N4BP2: variants seen among roughly 807,000 people sequenced by gnomAD.
The protein encoded by N4BP2 is NEDD4 binding protein 2.
In N4BP2, 91 loss-of-function variants were observed where a neutral mutation model predicts 152.8. The observed-to-expected ratio is 0.60, with a 90% CI of 0.50 to 0.71. N4BP2 has a LOEUF of 0.71. N4BP2 is among the 30% of genes least tolerant of loss of function. The pLI is 0.00. For missense variants in N4BP2, 1,923 were observed against 2,059.1 expected, an observed-to-expected ratio of 0.93 and a Z score of 1.28; for synonymous variants, 646 against 705.3, an observed-to-expected ratio of 0.92 and a Z score of 1.33.
chr4:40,075,817 A>T (rs553111451), intron 2 of N4BP2, among the ~76,000 whole-genome samples: 9 of 152,144 alleles, frequency 5.9e-5, no homozygotes, highest in Non-Finnish European at 1.2e-4. Context: ...ACAGATAGAT[A>T]CATATTTCTT....
intron 1 of N4BP2, among the ~76,000 whole-genome samples, chr4:40,057,883 G>T (rs1052111526): frequency 3.9e-5 from 6 of 152,138 alleles, no homozygotes; most frequent in Admixed American, 6.5e-5. Context: ...TTGTAACTAG[G>T]ATCTGATATT....
rs1258104914 is a variant in N4BP2 at position 40,142,678 on chromosome 4, G to T, written c.4791G>T (p.Lys1597Asn). The change falls in exon 15 of 18, where the codon AAG (lysine) becomes AAT (asparagine). Residue 1597 changes from lysine (K) to asparagine (N), a missense_variant. Lys to Asn is a moderately conservative substitution (Grantham distance 94, BLOSUM62 0). Coordinates refer to ENST00000261435, the MANE Select transcript of N4BP2 (RefSeq NM_018177.6). ...TATTGTTTAATATCTTATAGCCAAA[G>T]AAATTAAAAGAGACTGAAGAAACAC... ...TGQKSKEKKP[K>N]KLKETEETPS... 1 of 1,601,864 alleles carries T rather than the reference G, an allele frequency of 6.2e-7. No individual in the cohort carries two copies. The highest frequency in any genetic ancestry group is 8.5e-7 in the Non-Finnish European group (1 of 1,175,910).
chr4:40,102,332 T>G lies in N4BP2; in HGVS notation c.487T>G (p.Ser163Ala). 6.2e-7 allele frequency: 1 copy of G among 1,613,552 alleles called. No homozygotes were observed. Among genetic ancestry groups the G allele is most frequent in the East Asian group, 2.2e-5 (1 of 44,850 alleles). Reference protein sequence around the residue: ...LNSSPDDQVYSFLPSQDVNSF... With the variant: ...LNSSPDDQVYAFLPSQDVNSF... Reference sequence around the variant, plus strand: ...CTCTTCTCCTGATGACCAAGTATACTCATTTTTGCCTTCACAAGATGTTAA... The same window carrying G: ...CTCTTCTCCTGATGACCAAGTATACGCATTTTTGCCTTCACAAGATGTTAA... Residue 163 changes from serine (S) to alanine (A), a missense_variant, in exon 4 of 18, where the codon TCA becomes GCA. By Grantham distance (99) the Ser-to-Ala change is moderately conservative. Transcript: ENST00000261435.
intron 5 of N4BP2, among the ~76,000 whole-genome samples, chr4:40,111,238 T>C (rs998036165): frequency 3.9e-5 from 6 of 152,126 alleles, no homozygotes; most frequent in Non-Finnish European, 8.8e-5. Context: ...AAGAAATTGG[T>C]TTATTATTAT....
intron 5 of N4BP2, among the ~76,000 whole-genome samples, chr4:40,108,028 A>C (rs1434096901): frequency 1.3e-5 from 2 of 150,438 alleles, no homozygotes; most frequent in South Asian, 4.2e-4. Flanking sequence ...CGTTCAAGGG[A>C]TTCTCATCCT....
intron 14 of N4BP2, 197 bp from the exon 15 acceptor site, chr4:40,142,476 C>A (rs1720107998): frequency 3.7e-6 from 2 of 534,790 alleles, no homozygotes. Context: ...GAAAGGGTAA[C>A]CTTAGCGGCA....
the N4BP2 span, among the ~76,000 whole-genome samples, chr4:40,187,556 G>A: frequency 6.6e-6 from 1 of 152,104 alleles, no homozygotes; most frequent in Non-Finnish European, 1.5e-5. Flanking sequence ...CTGGGCTCAA[G>A]TGATCCTCCC....
rs1183724695 is a variant in N4BP2 at position 40,084,439 on chromosome 4, T to A, written c.-115+10888T>A. On this transcript the variant is annotated intron_variant, in intron 2 of 17. Coordinates refer to ENST00000261435, the MANE Select transcript of N4BP2 (RefSeq NM_018177.6). Reference sequence around the variant, plus strand: ...TTAGATATGCCTGGTTTGAGATTTTTTTTTTTTTTCCTCCGAGATGGAGTC... The same window carrying A: ...TTAGATATGCCTGGTTTGAGATTTTATTTTTTTTTCCTCCGAGATGGAGTC... 3.3e-5 allele frequency among the ~76,000 whole-genome samples: 5 copies of A among 151,020 alleles called. No individual in the cohort carries two copies. The East Asian group carries it at 9.8e-4, about 29-fold the overall frequency.
the N4BP2 span, among the ~76,000 whole-genome samples, chr4:40,171,969 C>T: frequency 5.3e-5 from 8 of 152,232 alleles, no homozygotes; most frequent in East Asian, 1.9e-4. Context: ...GCAGTAGGCG[C>T]GATCTCAGCT....
chr4:40,159,749 T>C (rs1721805863), downstream of N4BP2, among the ~76,000 whole-genome samples: 1 of 152,220 alleles, frequency 6.6e-6, no homozygotes, highest in East Asian at 1.9e-4. Flanking sequence ...AGAATGGATA[T>C]TAGGAGAATG....
rs1715236690 is a variant in N4BP2 at position 40,097,804 on chromosome 4, T to C, written c.229+235T>C. Among the ~76,000 whole-genome samples, 4 of 152,334 alleles carry C rather than the reference T, an allele frequency of 2.6e-5. No homozygotes were observed. In the South Asian group the frequency reaches 6.2e-4, roughly 24 times the overall value. ...CAGTTCTAGGTGTAAGGTATTTGTA[T>C]AGATAGCATATTCTGTCTCTTTCAT... On this transcript the variant is annotated intron_variant, in intron 3 of 17. Transcript: ENST00000261435.
At chr4:40,164,383 C>T in the N4BP2 span, among the ~76,000 whole-genome samples, 30 of 152,008 alleles carry the variant, frequency 2.0e-4, no homozygotes, top group African/African-American at 6.0e-4. Flanking sequence ...TGATGGTAGT[C>T]GGAGTGGAGA....
At chr4:40,069,545 T>C (rs561994948) in intron 1 of N4BP2, among the ~76,000 whole-genome samples, 25 of 152,204 alleles carry the variant, frequency 1.6e-4, no homozygotes, top group Non-Finnish European at 3.2e-4. Flanking sequence ...ATATGGAGTG[T>C]GCCCTGCTTT....
Position 40,126,335 on chromosome 4 carries a change from G to T in N4BP2, c.4527+5G>T. 1.4e-6 allele frequency: 2 copies of T among 1,382,970 alleles called. No individual in the cohort carries two copies. Among genetic ancestry groups the T allele is most frequent in the Admixed American group, 2.2e-5 (1 of 45,478 alleles). 85.7% of individuals were successfully genotyped at this position (1,382,970 alleles called of 1,614,324 possible). A position where few individuals can be genotyped will look rare whatever the true frequency, so the allele number is the denominator to read the frequency against. On this transcript the variant is annotated splice_donor_5th_base_variant and intron_variant, in intron 12 of 17. Coordinates refer to ENST00000261435, the MANE Select transcript of N4BP2 (RefSeq NM_018177.6). ...TTACAGGAAAAACATAATTTGGTAT[G>T]AATTAATATAAATATTAAGCTACTG...
In N4BP2 at chr4:40,121,266, A is replaced by G. The variant is rs974787460; in HGVS notation, c.3155A>G (p.Lys1052Arg). 1 of 1,613,344 alleles carries G rather than the reference A, an allele frequency of 6.2e-7. No homozygotes were observed. The highest frequency in any genetic ancestry group is 1.3e-5 in the African/African-American group (1 of 74,926). The stretch of plus-strand genomic sequence containing the variant: ...GGAAGATTAGATGGATTTAAGCCGA[A>G]AGTTTTCAATATTAACACAAAATCA... ...LTGRLDGFKPKVFNINTKSDV... is the reference protein window; with the variant it reads ...LTGRLDGFKPRVFNINTKSDV... Residue 1052 changes from lysine to arginine, a missense_variant, in exon 9 of 18, where the codon AAA becomes AGA. Transcript: ENST00000261435.
chr4:40,087,106 TTG>T (rs980737991), intron 2 of N4BP2, among the ~76,000 whole-genome samples: 2 of 152,082 alleles, frequency 1.3e-5, no homozygotes, highest in African/African-American at 4.8e-5. Flanking sequence ...TGAAAGTAAA[TTG>T]TGTTTTGTGG....
chr4:40,112,269 A>C (rs1366686186), intron 6 of N4BP2, 97 bp downstream of exon 6: 6 of 755,758 alleles, frequency 7.9e-6, no homozygotes, highest in East Asian at 2.8e-5. Flanking sequence ...TAAGAATCTC[A>C]GAACCTTGGA....
chr4:40,181,049 C>G, the N4BP2 span, among the ~76,000 whole-genome samples: 1 of 152,146 alleles, frequency 6.6e-6, no homozygotes. Flanking sequence ...ACTCGGGAGG[C>G]TGAGACAGGA....
chr4:40,071,417 A>G (rs1448009163), intron 1 of N4BP2, among the ~76,000 whole-genome samples: 8 of 152,324 alleles, frequency 5.3e-5, no homozygotes, highest in Middle Eastern at 3.4e-3. Flanking sequence ...TAAGAGGCAT[A>G]TAATGTCAGG....
Sources: gnomAD v4.1 joint callset for allele counts (sites outside exome capture counted in the v4.1 genomes callset) on GRCh38, gnomAD v4.1.1 for gene constraint, MANE v1.5 for transcripts, NCBI Gene and HGNC (gene_info 2026-07-23, HGNC 2026-07-21) for gene names.